DLST: variants seen among roughly 807,000 people sequenced by gnomAD.
The protein encoded by DLST is dihydrolipoamide S-succinyltransferase.
In DLST, 17 loss-of-function variants were observed where a neutral mutation model predicts 53.1. The ratio of observed to expected loss-of-function variants is 0.32; its 90% CI spans 0.22 to 0.48. The LOEUF (loss-of-function observed/expected upper bound fraction) is 0.48, where lower values mean the gene tolerates loss of function less well. Ranked by LOEUF, DLST falls within the 20% of genes least tolerant of loss-of-function variation. DLST has a pLI of 0.99. For missense variants in DLST, 512 were observed against 583.9 expected (o/e 0.88, Z 1.27); for synonymous variants, 206 against 204.8 (o/e 1.01, Z -0.05).
At chr14:74,887,449 A>G (rs964534155) in intron 3 of DLST, among the ~76,000 whole-genome samples, 1 of 152,188 alleles carries the variant, frequency 6.6e-6, no homozygotes, top group Non-Finnish European at 1.5e-5. Flanking sequence ...TTTGTGTGGG[A>G]TCACCCCAAT....
At chr14:74,884,506 A>G (rs1883638345) in intron 2 of DLST, among the ~76,000 whole-genome samples, 1 of 152,196 alleles carries the variant, frequency 6.6e-6, no homozygotes, top group Admixed American at 6.5e-5. Context: ...AATGGGAATA[A>G]TGGCAGATGG....
intron 10 of DLST, 107 bp from the exon 11 acceptor site, chr14:74,898,262 C>T: frequency 2.8e-6 from 4 of 1,410,858 alleles, no homozygotes; most frequent in Non-Finnish European, 3.9e-6. Context: ...GGTAATGGTC[C>T]AGAGTGAGGG....
rs767703044 is a variant in DLST, at chr14:74,901,194, G to A, written c.1188G>A (p.Met396Ile). Reference sequence around the variant, plus strand: ...CCCCTCAGTCTGCCATCCTGGGGATGCATGGCATCTTTGACAGGCCAGTGG... The same window carrying A: ...CCCCTCAGTCTGCCATCCTGGGGATACATGGCATCTTTGACAGGCCAGTGG... The part of the protein sequence containing the change: ...INPPQSAILG[M>I]HGIFDRPVAI... The change falls in exon 14 of 15, where the codon ATG (methionine) becomes ATA (isoleucine). Residue 396 changes from methionine to isoleucine, a missense_variant. Transcript: ENST00000334220. 1.9e-6 allele frequency: 3 copies of A among 1,614,204 alleles called. No homozygotes were observed. Among genetic ancestry groups the A allele is most frequent in the East Asian group, 2.2e-5 (1 of 44,888 alleles).
chr14:74,883,265 A>C (rs1430592328), intron 2 of DLST, among the ~76,000 whole-genome samples: 3 of 150,088 alleles, frequency 2.0e-5, no homozygotes, highest in Non-Finnish European at 4.4e-5. Flanking sequence ...ACTGCACTCC[A>C]GCCTGGGCGA....
At chr14:74,882,552 C>A (rs764609338) in intron 1 of DLST, 39 bp from the exon 2 acceptor site, 2 of 1,604,952 alleles carry the variant, frequency 1.2e-6, no homozygotes, top group South Asian at 2.2e-5. Context: ...GTTTTTTTTT[C>A]ATCTTGGGTG....
In DLST at chr14:74,893,411, G is replaced by T. The variant is rs549748178; in HGVS notation, c.659G>T (p.Arg220Leu). 4.3e-6 allele frequency: 7 copies of T among 1,614,070 alleles called. No individual in the cohort carries two copies. Among genetic ancestry groups the T allele is most frequent in the East Asian group, 2.2e-5 (1 of 44,896 alleles). ...GAGCCAGGAGCTGGCAAAGGTCTGC[G>T]TTCAGAACATCGGGTAAGCCTCTGA... Reference protein sequence around the residue: ...LAEPGAGKGLRSEHREKMNRM... With the variant: ...LAEPGAGKGLLSEHREKMNRM... Residue 220 changes from arginine (R) to leucine (L), a missense_variant, in exon 9 of 15, where the codon CGT becomes CTT. Transcript: ENST00000334220.
At position 74,891,250 on chromosome 14, in the gene DLST, A is replaced by G. The variant is rs751902597; in HGVS notation, c.442+83A>G. On this transcript the variant is annotated intron_variant, in intron 7 of 14. Transcript: ENST00000334220. ...GAGCATAATGTGCTAATTCCCCGAT[A>G]TGTCAAAGACTCTTGTCATTCCAGC... 6 of 1,590,900 alleles carry G rather than the reference A, an allele frequency of 3.8e-6. No homozygotes were observed. The African/African-American group carries it at 6.7e-5, about 18-fold the overall frequency.
At chr14:74,891,192 A>G (rs192571186) in intron 7 of DLST, 25 bp downstream of exon 7, 12 of 1,613,836 alleles carry the variant, frequency 7.4e-6, no homozygotes, top group East Asian at 2.2e-5. Flanking sequence ...CTGGTGGTCA[A>G]GGTCTCCAGT....
Position 74,901,109 on chromosome 14 carries a change from C to G in DLST, c.1103C>G (p.Thr368Ser). 1 of 1,614,102 alleles carries G rather than the reference C, an allele frequency of 6.2e-7. No homozygotes were observed. The highest frequency in any genetic ancestry group is 1.3e-5 in the African/African-American group (1 of 75,024). The change falls in exon 14 of 15, where the codon ACC (threonine) becomes AGC (serine). Residue 368 changes from threonine (T) to serine (S), a missense_variant. Coordinates refer to ENST00000334220, the MANE Select transcript of DLST (RefSeq NM_001933.5). ...GCCATTGAAGATATGGATGGCGGTA[C>G]CTTCACCATTAGCAATGGAGGCGTT... ...ELAIEDMDGGTFTISNGGVFG... is the reference protein window; with the variant it reads ...ELAIEDMDGGSFTISNGGVFG...
At chr14:74,899,844 C>A in intron 11 of DLST, 79 bp from the exon 12 acceptor site, 1 of 1,137,742 alleles carries the variant, frequency 8.8e-7, no homozygotes, top group Non-Finnish European at 1.3e-6. Context: ...CAGATTTTTA[C>A]TCTGTTAATG....
chr14:74,902,102 ATTAGGAACTTTC>A, intron 14 of DLST, 82 bp from the exon 15 acceptor site: 1 of 1,323,388 alleles, frequency 7.6e-7, no homozygotes, highest in Non-Finnish European at 1.0e-6. Flanking sequence ...AGGCTCTGGA[ATTAGGAACTTTC>A]TTATGGGCTG....
At chr14:74,883,099 C>T (rs1883586187) in intron 2 of DLST, among the ~76,000 whole-genome samples, 1 of 151,924 alleles carries the variant, frequency 6.6e-6, no homozygotes, top group African/African-American at 2.4e-5. Context: ...TCGAGACCAT[C>T]CTGGTTAACA....
intron 10 of DLST, among the ~76,000 whole-genome samples, chr14:74,897,496 C>A (rs888399283): frequency 6.6e-6 from 1 of 152,242 alleles, no homozygotes; most frequent in Non-Finnish European, 1.5e-5. Context: ...TGAAAAAAAA[C>A]CAGTCCCAAA....
Position 74,885,624 on chromosome 14 carries a change from A to AG in DLST, c.138dup (p.Lys47GlufsTer5), listed in dbSNP as rs757856651. 6.2e-7 allele frequency: 1 copy of AG among 1,613,544 alleles called. No homozygotes were observed. Among genetic ancestry groups the AG allele is most frequent in the South Asian group, 1.1e-5 (1 of 91,006 alleles). On this transcript the variant is annotated frameshift_variant, in exon 3 of 15. Coordinates refer to ENST00000334220, the MANE Select transcript of DLST (RefSeq NM_001933.5). LOFTEE classifies it high-confidence loss of function. ...CCAGGGACCAGGTTACCCTAACAGC[A>AG]GGAAGGTTGTGTAAGTATCACTGGG...
chr14:74,893,310 C>T (rs768673664), intron 8 of DLST, 38 bp from the exon 9 acceptor site: 1 of 1,611,140 alleles, frequency 6.2e-7, no homozygotes, highest in East Asian at 2.2e-5. Flanking sequence ...ATGTTTCTTT[C>T]CTTGTCTGAT....
intron 2 of DLST, among the ~76,000 whole-genome samples, chr14:74,883,294 C>CAAAA (rs35879783): frequency 5.9e-5 from 4 of 67,260 alleles, no homozygotes; most frequent in Admixed American, 1.7e-4. Flanking sequence ...GACTCCATCT[C>CAAAA]AAAAAAAAAA....
In DLST at chr14:74,892,989, A is replaced by G. The variant is rs776320395; in HGVS notation, c.595+3A>G. On this transcript the variant is annotated splice_donor_region_variant and intron_variant, in intron 8 of 14. Transcript: ENST00000334220. ...ACAGCCTCCTTCTGGCAAACCTGGT[A>G]GGCTTCCAACTCCCACATGTCATGT... 1 of 1,609,486 alleles carries G rather than the reference A, an allele frequency of 6.2e-7. No homozygotes were observed. Among genetic ancestry groups the G allele is most frequent in the Admixed American group, 1.7e-5 (1 of 58,594 alleles).
At position 74,898,272 on chromosome 14, in the gene DLST, GA is replaced by G. The variant is rs368218636; in HGVS notation, c.771-93del. The G allele has an allele frequency of 2.5e-4, 368 of 1,481,266 alleles. No homozygotes were observed. The African/African-American group carries it at 4.5e-3, about 18-fold the overall frequency. 91.8% of individuals were successfully genotyped at this position (1,481,266 alleles called of 1,614,324 possible). A position where few individuals can be genotyped will look rare whatever the true frequency, so the allele number is the denominator to read the frequency against. On this transcript the variant is annotated intron_variant, in intron 10 of 14. Transcript: ENST00000334220. ...ACTAAGGTAATGGTCCAGAGTGAGG[GA>G]AAAGCTCTCACCTAATTGTGTATAT...
Position 74,885,072 on chromosome 14 carries a change from G to A in DLST, c.98-514G>A, listed in dbSNP as rs1032153100. On this transcript the variant is annotated intron_variant, in intron 2 of 14. Coordinates refer to ENST00000334220, the MANE Select transcript of DLST (RefSeq NM_001933.5). Reference sequence around the variant, plus strand: ...AGCTCTAGGACAAACTGGAGACCCCGAGCCTAAAGTAGCCAAGTCTTTGCT... The same window carrying A: ...AGCTCTAGGACAAACTGGAGACCCCAAGCCTAAAGTAGCCAAGTCTTTGCT... Among the ~76,000 whole-genome samples, 7 of 152,134 alleles carry A rather than the reference G, an allele frequency of 4.6e-5. No homozygotes were observed. In the South Asian group the frequency reaches 1.5e-3, roughly 32 times the overall value.
Sources: allele counts gnomAD v4.1 joint callset (sites outside exome capture counted in the v4.1 genomes callset), GRCh38; gene constraint gnomAD v4.1.1; transcripts MANE v1.5; gene names NCBI Gene and HGNC (gene_info 2026-07-23, HGNC 2026-07-21).